The following CAMK1D variants were observed in gnomAD, a reference collection of about 807,000 sequenced individuals.
CAMK1D encodes calcium/calmodulin dependent protein kinase ID.
In CAMK1D, 9 loss-of-function variants were observed where a neutral mutation model predicts 47.7. That is an observed-to-expected ratio of 0.19 (90% CI 0.11 to 0.33). The LOEUF (loss-of-function observed/expected upper bound fraction) is 0.33, where lower values mean the gene tolerates loss of function less well. Ranked by LOEUF, CAMK1D falls within the 10% of genes least tolerant of loss-of-function variation. CAMK1D has a pLI of 1.00. For missense variants in CAMK1D, 291 were observed against 488.7 expected (o/e 0.60, Z 3.81); for synonymous variants, 184 against 184.9 (o/e 0.99, Z 0.04).
intron 6 of CAMK1D, among the ~76,000 whole-genome samples, chr10:12,811,066 G>C (rs1832584899): frequency 6.6e-6 from 1 of 152,254 alleles, no homozygotes; most frequent in Middle Eastern, 3.2e-3. Context: ...GCAGTGAAGA[G>C]TGCTTTGGAG....
intron 5 of CAMK1D, among the ~76,000 whole-genome samples, chr10:12,788,174 CTTTTA>C (rs1463631259): frequency 6.6e-6 from 1 of 151,570 alleles, no homozygotes; most frequent in Non-Finnish European, 1.5e-5. Context: ...AAGCAGAAAT[CTTTTA>C]TTTTATTTTT....
chr10:12,438,630 G>T (rs895024658), intron 1 of CAMK1D, among the ~76,000 whole-genome samples: 2 of 152,166 alleles, frequency 1.3e-5, no homozygotes, highest in African/African-American at 4.8e-5. Context: ...AATGAAGTTT[G>T]CAACGACTGC....
intron 3 of CAMK1D, among the ~76,000 whole-genome samples, chr10:12,712,633 T>C (rs1833979266): frequency 6.6e-6 from 1 of 152,166 alleles, no homozygotes; most frequent in Non-Finnish European, 1.5e-5. Context: ...AATCGCATCC[T>C]GGGGGCCCCA....
chr10:12,629,864 T>C (rs1839326764), intron 2 of CAMK1D, among the ~76,000 whole-genome samples: 1 of 152,226 alleles, frequency 6.6e-6, no homozygotes, highest in Non-Finnish European at 1.5e-5. Context: ...TCTTGGATCA[T>C]GTCTGTTGAT....
chr10:12,696,801 T>C (rs1037670229), intron 3 of CAMK1D, among the ~76,000 whole-genome samples: 2 of 152,226 alleles, frequency 1.3e-5, no homozygotes, highest in African/African-American at 2.4e-5. Flanking sequence ...CTTGCTTTCA[T>C]AGGAAAATGG....
At chr10:12,645,313 A>G (rs1588726908) in intron 2 of CAMK1D, among the ~76,000 whole-genome samples, 1 of 152,174 alleles carries the variant, frequency 6.6e-6, no homozygotes, top group African/African-American at 2.4e-5. Flanking sequence ...TTTTGTTTAT[A>G]CTTATGGAAG....
At chr10:12,618,465 A>C (rs1838890962) in intron 2 of CAMK1D, among the ~76,000 whole-genome samples, 1 of 152,180 alleles carries the variant, frequency 6.6e-6, no homozygotes, top group African/African-American at 2.4e-5. Context: ...TGGATGACTG[A>C]ACCGTCTTGC....
intron 2 of CAMK1D, among the ~76,000 whole-genome samples, chr10:12,591,204 A>G (rs1225475676): frequency 1.3e-5 from 2 of 152,204 alleles, no homozygotes; most frequent in Non-Finnish European, 2.9e-5. Context: ...ATCTTATATA[A>G]AAGTGGAGTT....
At chr10:12,785,901 A>G (rs1477835129) in intron 5 of CAMK1D, among the ~76,000 whole-genome samples, 19 of 152,084 alleles carry the variant, frequency 1.2e-4, no homozygotes, top group Admixed American at 1.2e-3. Context: ...AGTGCAGCTG[A>G]CTCCCGATCA....
chr10:12,602,170 A>T (rs2132390277), intron 2 of CAMK1D, among the ~76,000 whole-genome samples: 1 of 152,394 alleles, frequency 6.6e-6, no homozygotes, highest in African/African-American at 2.4e-5. Context: ...ACAGGAAAGT[A>T]ATTCAGGAAA....
At chr10:12,578,982 C>A (rs185010097) in intron 2 of CAMK1D, among the ~76,000 whole-genome samples, 1 of 152,060 alleles carries the variant, frequency 6.6e-6, no homozygotes. Context: ...CCCAGAGGCA[C>A]GAGCAGAAGA....
intron 5 of CAMK1D, among the ~76,000 whole-genome samples, chr10:12,771,258 G>A (rs536607227): frequency 3.3e-5 from 5 of 152,302 alleles, no homozygotes; most frequent in Admixed American, 6.5e-5. Flanking sequence ...TGCGAAGTGC[G>A]GTGACCTTTC....
intron 3 of CAMK1D, among the ~76,000 whole-genome samples, chr10:12,684,365 G>T (rs1033407460): frequency 6.6e-6 from 1 of 152,166 alleles, no homozygotes; most frequent in Admixed American, 6.5e-5. Flanking sequence ...GGTCAGAGAA[G>T]GGGGTATCTC....
Position 12,739,964 on chromosome 10 carries a change from G to C in CAMK1D, c.300-20984G>C, listed in dbSNP as rs558860220. Among the ~76,000 whole-genome samples the C allele has an allele frequency of 1.2e-4, 19 of 152,300 alleles. No homozygotes were observed. The South Asian group carries it at 2.3e-3, about 18-fold the overall frequency. On this transcript the variant is annotated intron_variant, in intron 3 of 10. Transcript: ENST00000619168. ...TTTGAAAAGTCAAAGATTTACTGTAGTAATGAATTGGACGATGGTATTACT... is the reference window on the plus strand; with the variant it reads ...TTTGAAAAGTCAAAGATTTACTGTACTAATGAATTGGACGATGGTATTACT...
chr10:12,433,201 C>G (rs1433325201), intron 1 of CAMK1D, among the ~76,000 whole-genome samples: 2 of 152,140 alleles, frequency 1.3e-5, no homozygotes. Flanking sequence ...TGGAGATCCC[C>G]CATCTCCCTG....
At chr10:12,421,262 G>C (rs900943383) in intron 1 of CAMK1D, among the ~76,000 whole-genome samples, 1 of 152,136 alleles carries the variant, frequency 6.6e-6, no homozygotes, top group Admixed American at 6.6e-5. Flanking sequence ...GAGCTTTACT[G>C]TGCAGAGAAA....
intron 3 of CAMK1D, among the ~76,000 whole-genome samples, chr10:12,682,043 C>T (rs1049739484): frequency 1.3e-5 from 2 of 152,176 alleles, no homozygotes; most frequent in Admixed American, 1.3e-4. Flanking sequence ...CACGGTGAAA[C>T]CCCGTCTCTA....
chr10:12,419,236 C>T (rs1490638448), intron 1 of CAMK1D, among the ~76,000 whole-genome samples: 1 of 151,944 alleles, frequency 6.6e-6, no homozygotes, highest in African/African-American at 2.4e-5. Context: ...CTCACCCCTA[C>T]TTTCTGCCCC....
chr10:12,626,823 A>T (rs1564454522), intron 2 of CAMK1D, among the ~76,000 whole-genome samples: 1 of 152,196 alleles, frequency 6.6e-6, no homozygotes, highest in East Asian at 1.9e-4. Context: ...TTCTTGATTC[A>T]TCTGTTTTAG....
Sources: gnomAD v4.1 joint callset for allele counts (sites outside exome capture counted in the v4.1 genomes callset) on GRCh38, gnomAD v4.1.1 for gene constraint, MANE v1.5 for transcripts, NCBI Gene and HGNC (gene_info 2026-07-23, HGNC 2026-07-21) for gene names.